The following DAB1 variants were observed in gnomAD, a reference collection of about 807,000 sequenced individuals.
The protein encoded by DAB1 is disabled homolog 1.
A neutral mutation model predicts 64.6 loss-of-function variants in DAB1; 15 were observed. The observed-to-expected ratio is 0.23, with a 90% confidence interval of 0.16 to 0.36. The LOEUF (loss-of-function observed/expected upper bound fraction) is 0.36, where lower values mean the gene tolerates loss of function less well. Ranked by LOEUF, DAB1 falls within the 10% of genes least tolerant of loss-of-function variation. DAB1 has a pLI of 1.00. For synonymous variants in DAB1, 235 were observed against 251.9 expected (o/e 0.93, Z 0.64); for missense variants, 596 against 706.7 (o/e 0.84, Z 1.78).
intron 4 of DAB1, among the ~76,000 whole-genome samples, chr1:58,164,009 G>A (rs1159758946): frequency 6.6e-6 from 1 of 152,006 alleles, no homozygotes; most frequent in Admixed American, 6.6e-5. Flanking sequence ...CACAACCTCT[G>A]TCCACTCTGA....
intron 1 of DAB1, among the ~76,000 whole-genome samples, chr1:57,858,590 T>C (rs990227155): frequency 5.9e-5 from 9 of 151,812 alleles, no homozygotes; most frequent in African/African-American, 2.2e-4. Flanking sequence ...CTCCTAACTC[T>C]GCCAGGCCAG....
chr1:57,610,743 AACTC>A (rs1201136008), intron 7 of DAB1, among the ~76,000 whole-genome samples: 1 of 152,184 alleles, frequency 6.6e-6, no homozygotes, highest in Non-Finnish European at 1.5e-5. Flanking sequence ...GTCTTATGAG[AACTC>A]ACTCACTATC....
chr1:58,280,337 A>G (rs1661528323), intron 4 of DAB1, among the ~76,000 whole-genome samples: 1 of 152,204 alleles, frequency 6.6e-6, no homozygotes, highest in South Asian at 2.1e-4. Flanking sequence ...GGAAACAAGA[A>G]TAGGGGCAGC....
intron 6 of DAB1, among the ~76,000 whole-genome samples, chr1:57,689,293 G>C (rs1336701573): frequency 6.6e-6 from 1 of 152,148 alleles, no homozygotes; most frequent in South Asian, 2.1e-4. Flanking sequence ...TATTTAAAAA[G>C]TGCAGATTGG....
chr1:57,426,857 A>ATTT (rs1479559443), upstream of DAB1, among the ~76,000 whole-genome samples: 1 of 135,690 alleles, frequency 7.4e-6, no homozygotes, highest in South Asian at 2.3e-4. Flanking sequence ...CTTAAATGAG[A>ATTT]TAATATATAT....
intron 1 of DAB1, among the ~76,000 whole-genome samples, chr1:57,338,109 A>T (rs1677249182): frequency 6.6e-6 from 1 of 151,978 alleles, no homozygotes; most frequent in Non-Finnish European, 1.5e-5. Flanking sequence ...CTCAGCCTCC[A>T]GAGTAGCTGG....
intron 3 of DAB1, among the ~76,000 whole-genome samples, chr1:58,447,693 T>G (rs139155163): frequency 8.5e-4 from 129 of 152,208 alleles, no homozygotes; most frequent in African/African-American, 3.0e-3. Context: ...TGAGCTCGGA[T>G]GAACAATCAG....
intron 2 of DAB1, among the ~76,000 whole-genome samples, chr1:57,287,777 C>CA (rs1672434608): frequency 1.1e-4 from 7 of 63,916 alleles, no homozygotes; most frequent in South Asian, 9.8e-4. Context: ...TTTTCTCTCT[C>CA]TTTTATTTAT....
At chr1:57,094,127 G>GAAT (rs1653943858) in intron 4 of DAB1, among the ~76,000 whole-genome samples, 1 of 86,002 alleles carries the variant, frequency 1.2e-5, no homozygotes, top group Non-Finnish European at 2.6e-5. Flanking sequence ...AAAAAAAAAG[G>GAAT]AATCTTGGAG....
intron 1 of DAB1, among the ~76,000 whole-genome samples, chr1:57,407,767 AGTGTGTGTGTGTGTGT>A (rs3991224): frequency 0.22 from 31,800 of 147,020 alleles, 4,106 homozygotes; most frequent in Non-Finnish European, 0.31. Flanking sequence ...AGATATCTGA[AGTGTGTGTGTGTGTGT>A]GTGTGTGTGT....
chr1:58,469,965 AG>A (rs1468724570), intron 3 of DAB1, among the ~76,000 whole-genome samples: 2 of 151,974 alleles, frequency 1.3e-5, no homozygotes, highest in African/African-American at 4.8e-5. Flanking sequence ...CTAGGCATAT[AG>A]TAGGCCTTCA....
chr1:57,964,080 G>A (rs1394416034), intron 5 of DAB1, among the ~76,000 whole-genome samples: 1 of 152,150 alleles, frequency 6.6e-6, no homozygotes, highest in African/African-American at 2.4e-5. Context: ...AAGGGGAGGA[G>A]CAAGGACATG....
chr1:58,038,733 G>A (rs1299261707), intron 5 of DAB1, among the ~76,000 whole-genome samples: 1 of 152,152 alleles, frequency 6.6e-6, no homozygotes, highest in African/African-American at 2.4e-5. Flanking sequence ...GGTAGTGCAA[G>A]GTGGATTAAC....
chr1:58,530,859 C>G, intron 1 of DAB1: 1 of 599,620 alleles, frequency 1.7e-6, no homozygotes, highest in Non-Finnish European at 2.9e-6. Flanking sequence ...TCTTTTTCTT[C>G]TTTTGCTTAT....
At chr1:57,599,562 G>A (rs563414284) in intron 7 of DAB1, among the ~76,000 whole-genome samples, 4 of 152,192 alleles carry the variant, frequency 2.6e-5, no homozygotes, top group African/African-American at 7.2e-5. Context: ...AAATACTGCT[G>A]AGCCTCAGTT....
chr1:57,033,662 G>T, intron 9 of DAB1: 9 of 1,297,158 alleles, frequency 6.9e-6, no homozygotes, highest in Non-Finnish European at 9.8e-6. Context: ...AGTATCTATG[G>T]TTCACACTTC....
chr1:57,665,549 C>T (rs140005460), intron 6 of DAB1, among the ~76,000 whole-genome samples: 2 of 151,978 alleles, frequency 1.3e-5, no homozygotes, highest in East Asian at 3.9e-4. Context: ...ATATTGTGAA[C>T]AAAAATGTTC....
At position 57,590,735 on chromosome 1, in the gene DAB1, AACACACACACACACACAC is replaced by A. The variant is rs58957864; in HGVS notation, n.625+58839_625+58856del. ...TGGGAAGGAACACATTGTAGTCCGT[AACACACACACACACACAC>A]ACACACACACACACACACACACACA... On this transcript the variant is annotated intron_variant and non_coding_transcript_variant, in intron 7 of 20. Coordinates refer to the DAB1 transcript ENST00000485760. Among the ~76,000 whole-genome samples the A allele has an allele frequency of 1.1e-4, 15 of 132,430 alleles. No individual in the cohort carries two copies. The East Asian group carries it at 2.7e-3, about 24-fold the overall frequency. 86.9% of individuals were successfully genotyped at this position (132,430 alleles called of 152,430 possible). A position where few individuals can be genotyped will look rare whatever the true frequency, so the allele number is the denominator to read the frequency against.
intron 3 of DAB1, among the ~76,000 whole-genome samples, chr1:58,409,183 T>C (rs574034273): frequency 2.6e-4 from 40 of 152,208 alleles, no homozygotes; most frequent in African/African-American, 9.4e-4. Context: ...AGTGATAACG[T>C]TGAGCATTTG....
Sources: gnomAD v4.1 joint callset for allele counts (sites outside exome capture counted in the v4.1 genomes callset) on GRCh38, gnomAD v4.1.1 for gene constraint, MANE v1.5 for transcripts, NCBI Gene and HGNC (gene_info 2026-07-23, HGNC 2026-07-21) for gene names.